ARHGAP24: variants seen among roughly 807,000 people sequenced by gnomAD.
ARHGAP24 encodes the protein rho GTPase-activating protein 24.
A neutral mutation model predicts 76.4 loss-of-function variants in ARHGAP24; 50 were observed. The ratio of observed to expected loss-of-function variants is 0.65; its 90% CI spans 0.52 to 0.83. The LOEUF is 0.83. ARHGAP24 is among the 40% of genes least tolerant of loss of function. ARHGAP24 has a pLI of 0.00. For synonymous variants in ARHGAP24, 345 were observed against 323.3 expected, an observed-to-expected ratio of 1.07 and a Z score of -0.72; for missense variants, 930 against 914.2, an observed-to-expected ratio of 1.02 and a Z score of -0.22.
intron 3 of ARHGAP24, among the ~76,000 whole-genome samples, chr4:85,846,641 T>C (rs963686990): frequency 3.3e-5 from 5 of 152,210 alleles, no homozygotes; most frequent in African/African-American, 1.2e-4. Flanking sequence ...ATTAACCAAC[T>C]TTCACTCTAC....
At chr4:85,988,630 C>A in intron 8 of ARHGAP24, among the ~76,000 whole-genome samples, 1 of 149,560 alleles carries the variant, frequency 6.7e-6, no homozygotes, top group African/African-American at 2.5e-5. Context: ...AAAAAAAGGA[C>A]ATAAAAAAAT....
At chr4:85,949,245 A>G (rs74810354) in intron 5 of ARHGAP24, among the ~76,000 whole-genome samples, 4,415 of 152,212 alleles carry the variant, frequency 0.029, 242 homozygotes, top group African/African-American at 0.1. Context: ...TAATACCCAA[A>G]ACATATTTTA....
intron 2 of ARHGAP24, among the ~76,000 whole-genome samples, chr4:85,654,432 A>G (rs1203220660): frequency 1.3e-5 from 2 of 152,192 alleles, no homozygotes; most frequent in African/African-American, 4.8e-5. Context: ...ACTTTAGTTC[A>G]TAACACATAC....
At position 85,974,303 on chromosome 4, in the gene ARHGAP24, C is replaced by G. The variant is rs141971557; in HGVS notation, c.733-585C>G. ...ACGCCTCAAATATTTACTATCTGGA[C>G]CTTTATGGGCAGAAGAAGAAAGCAA... On this transcript the variant is annotated intron_variant, in intron 6 of 9. Transcript: ENST00000395184. Among the ~76,000 whole-genome samples, 459 of 152,254 alleles carry G rather than the reference C, an allele frequency of 3.0e-3. 3 individuals carry two copies. Among genetic ancestry groups the G allele is most frequent in the African/African-American group, 0.011 (448 of 41,552 alleles).
intron 2 of ARHGAP24, among the ~76,000 whole-genome samples, chr4:85,630,365 G>T (rs1286054820): frequency 6.6e-6 from 1 of 152,152 alleles, no homozygotes; most frequent in African/African-American, 2.4e-5. Flanking sequence ...TAGGGTTGGT[G>T]ACTGTTTCTT....
intron 2 of ARHGAP24, among the ~76,000 whole-genome samples, chr4:85,682,840 A>G (rs1193742364): frequency 6.6e-6 from 1 of 152,150 alleles, no homozygotes; most frequent in African/African-American, 2.4e-5. Context: ...TTGGAGAAGT[A>G]GAATTATTCC....
intron 4 of ARHGAP24, chr4:85,930,558 C>G: frequency 9.7e-7 from 1 of 1,030,554 alleles, no homozygotes; most frequent in South Asian, 3.6e-5. Context: ...GCTGAGAAGA[C>G]AGTTCTTAAT....
intron 2 of ARHGAP24, among the ~76,000 whole-genome samples, chr4:85,625,957 T>C (rs1720935439): frequency 6.6e-6 from 1 of 152,234 alleles, no homozygotes; most frequent in Non-Finnish European, 1.5e-5. Context: ...TTTGAGCCTA[T>C]GTGTGTCTCT....
intron 2 of ARHGAP24, among the ~76,000 whole-genome samples, chr4:85,718,159 A>G (rs1724801750): frequency 1.3e-5 from 2 of 152,140 alleles, no homozygotes; most frequent in Admixed American, 6.6e-5. Context: ...CATGTTCTTT[A>G]CAACATAAAA....
chr4:85,621,747 G>C (rs1334293412), intron 2 of ARHGAP24, among the ~76,000 whole-genome samples: 1 of 152,160 alleles, frequency 6.6e-6, no homozygotes, highest in East Asian at 1.9e-4. Context: ...TTATTCTGCT[G>C]TGCGCAAGCT....
intron 3 of ARHGAP24, among the ~76,000 whole-genome samples, chr4:85,771,884 T>G (rs1328417756): frequency 6.6e-6 from 1 of 152,074 alleles, no homozygotes; most frequent in African/African-American, 2.4e-5. Context: ...TAATTTTATA[T>G]TTTTAGTAGA....
intron 3 of ARHGAP24, among the ~76,000 whole-genome samples, chr4:85,732,329 CAG>C (rs1309044125): frequency 5.9e-5 from 9 of 152,124 alleles, no homozygotes; most frequent in Admixed American, 3.3e-4. Context: ...GGAAAAGAAA[CAG>C]ATGAGGAAAA....
intron 3 of ARHGAP24, among the ~76,000 whole-genome samples, chr4:85,735,132 C>G (rs965120687): frequency 6.6e-6 from 1 of 152,034 alleles, no homozygotes; most frequent in South Asian, 2.1e-4. Flanking sequence ...AATTTTGGCT[C>G]CTGTGTGTAT....
chr4:85,907,940 A>G (rs1418681459), intron 3 of ARHGAP24, among the ~76,000 whole-genome samples: 1 of 152,168 alleles, frequency 6.6e-6, no homozygotes, highest in African/African-American at 2.4e-5. Flanking sequence ...AAGGCTCGGA[A>G]AAAAGGGCAA....
chr4:85,664,120 G>T (rs377752401), intron 2 of ARHGAP24, among the ~76,000 whole-genome samples: 1 of 151,292 alleles, frequency 6.6e-6, no homozygotes, highest in Non-Finnish European at 1.5e-5. Context: ...GGTAGAATTC[G>T]GCTGTGAATC....
At chr4:85,491,685 T>C (rs1723363367) in intron 1 of ARHGAP24, among the ~76,000 whole-genome samples, 1 of 152,180 alleles carries the variant, frequency 6.6e-6, no homozygotes, top group Admixed American at 6.5e-5. Flanking sequence ...GAATCTATAC[T>C]TGTTTCTTAG....
At chr4:85,626,920 G>C (rs1291838456) in intron 2 of ARHGAP24, among the ~76,000 whole-genome samples, 1 of 152,142 alleles carries the variant, frequency 6.6e-6, no homozygotes, top group African/African-American at 2.4e-5. Context: ...TTGGTTTTCA[G>C]CTCCATCAGG....
At chr4:85,716,701 AGT>A (rs148724539) in intron 2 of ARHGAP24, among the ~76,000 whole-genome samples, 1 of 152,226 alleles carries the variant, frequency 6.6e-6, no homozygotes, top group East Asian at 1.9e-4. Context: ...ATAATTGAAC[AGT>A]GTGTGATTAA....
intron 3 of ARHGAP24, among the ~76,000 whole-genome samples, chr4:85,831,332 TA>T (rs984778678): frequency 6.6e-6 from 1 of 152,204 alleles, no homozygotes; most frequent in African/African-American, 2.4e-5. Flanking sequence ...GAACCATCAA[TA>T]AAAATTATTG....
Sources: gnomAD v4.1 joint callset for allele counts (sites outside exome capture counted in the v4.1 genomes callset) on GRCh38, gnomAD v4.1.1 for gene constraint, MANE v1.5 for transcripts, NCBI Gene and HGNC (gene_info 2026-07-23, HGNC 2026-07-21) for gene names.